The following EFNA5 variants were observed in gnomAD, a reference collection of about 807,000 sequenced individuals.
EFNA5 encodes the protein ephrin A5, also known as ephrin-A5.
EFNA5 carries 5 observed loss-of-function variants against 22.9 expected under a neutral mutation model. That is an observed-to-expected ratio of 0.22 (90% confidence interval 0.11 to 0.46). EFNA5 has a LOEUF of 0.46. EFNA5 is among the 20% of genes least tolerant of loss of function. The probability of loss-of-function intolerance (pLI) is 0.99; values close to 1 mark genes in which losing one functional copy is unlikely to be tolerated. For synonymous variants in EFNA5, 113 were observed against 112.2 expected, an observed-to-expected ratio of 1.01 and a Z score of -0.04; for missense variants, 237 against 293.3, an observed-to-expected ratio of 0.81 and a Z score of 1.40.
chr5:107,601,332 A>G (rs1185176271), intron 1 of EFNA5, among the ~76,000 whole-genome samples: 1 of 152,226 alleles, frequency 6.6e-6, no homozygotes, highest in Non-Finnish European at 1.5e-5. Flanking sequence ...TTTCAAAGGA[A>G]GATAACGTAA....
At chr5:107,603,539 T>C (rs1580554835) in intron 1 of EFNA5, among the ~76,000 whole-genome samples, 1 of 152,234 alleles carries the variant, frequency 6.6e-6, no homozygotes, top group African/African-American at 2.4e-5. Context: ...TTCACTTCCA[T>C]AAAATGCAAG....
At chr5:107,624,114 T>C (rs954070174) in intron 1 of EFNA5, among the ~76,000 whole-genome samples, 3 of 152,032 alleles carry the variant, frequency 2.0e-5, no homozygotes, top group African/African-American at 4.8e-5. Context: ...GTCACCCTAG[T>C]TTTGTCAGGG....
At chr5:107,549,407 C>T (rs1280216494) in intron 1 of EFNA5, among the ~76,000 whole-genome samples, 3 of 152,146 alleles carry the variant, frequency 2.0e-5, no homozygotes, top group Non-Finnish European at 4.4e-5. Context: ...AAGAACTATC[C>T]TCATTTTACA....
At chr5:107,448,697 G>C (rs964945322) in intron 1 of EFNA5, among the ~76,000 whole-genome samples, 7 of 151,896 alleles carry the variant, frequency 4.6e-5, no homozygotes, top group Non-Finnish European at 7.4e-5. Context: ...GCATGTGGTG[G>C]TGTGCGCCTG....
intron 1 of EFNA5, among the ~76,000 whole-genome samples, chr5:107,581,753 G>C (rs1371150299): frequency 6.6e-6 from 1 of 152,164 alleles, no homozygotes; most frequent in Non-Finnish European, 1.5e-5. Context: ...GTAGAATCTA[G>C]GTCCCCAGCC....
chr5:107,426,792 GT>G (rs1242325503), intron 2 of EFNA5, among the ~76,000 whole-genome samples: 3 of 152,204 alleles, frequency 2.0e-5, no homozygotes, highest in Admixed American at 6.5e-5. Flanking sequence ...ATGTCCAGGA[GT>G]TTTGGCTTCC....
chr5:107,642,545 G>A (rs1399442934), intron 1 of EFNA5, among the ~76,000 whole-genome samples: 1 of 151,306 alleles, frequency 6.6e-6, no homozygotes, highest in Non-Finnish European at 1.5e-5. Flanking sequence ...TCTTTCCCTG[G>A]AACGCAAGTG....
intron 1 of EFNA5, among the ~76,000 whole-genome samples, chr5:107,668,747 A>G (rs1442302622): frequency 6.6e-6 from 1 of 152,228 alleles, no homozygotes; most frequent in East Asian, 1.9e-4. Context: ...AAACGGGGAA[A>G]AAAAACTAAC....
intron 1 of EFNA5, among the ~76,000 whole-genome samples, chr5:107,525,615 T>A (rs1430638007): frequency 2.0e-5 from 3 of 152,118 alleles, no homozygotes; most frequent in Non-Finnish European, 4.4e-5. Context: ...ATTAGGAAAA[T>A]CATAAGGAAG....
chr5:107,458,699 G>A (rs919743049), intron 1 of EFNA5, among the ~76,000 whole-genome samples: 11 of 152,062 alleles, frequency 7.2e-5, no homozygotes, highest in Admixed American at 1.3e-4. Context: ...TGCTTAAATC[G>A]TAAGGGAAAC....
At chr5:107,632,598 T>A (rs1750279338) in intron 1 of EFNA5, among the ~76,000 whole-genome samples, 1 of 152,162 alleles carries the variant, frequency 6.6e-6, no homozygotes. Context: ...ATTATTCTAG[T>A]TCAAGAACAT....
At chr5:107,545,242 TA>T (rs1427129696) in intron 1 of EFNA5, among the ~76,000 whole-genome samples, 1 of 152,274 alleles carries the variant, frequency 6.6e-6, no homozygotes, top group Non-Finnish European at 1.5e-5. Context: ...GTTGGTTCAG[TA>T]ATATCGGCTG....
chr5:107,511,001 T>TG (rs1276957899), intron 1 of EFNA5, among the ~76,000 whole-genome samples: 21 of 135,488 alleles, frequency 1.5e-4, no homozygotes, highest in African/African-American at 6.1e-4. Context: ...TTTCTTTTTC[T>TG]TTGTGTGTGT....
intron 1 of EFNA5, among the ~76,000 whole-genome samples, chr5:107,618,201 GA>G (rs947754269): frequency 2.6e-5 from 4 of 152,094 alleles, no homozygotes; most frequent in African/African-American, 7.2e-5. Flanking sequence ...TGTTTCTTTT[GA>G]AAAAGTAAGG....
chr5:107,575,781 A>G (rs888681929), intron 1 of EFNA5, among the ~76,000 whole-genome samples: 1 of 152,236 alleles, frequency 6.6e-6, no homozygotes, highest in Admixed American at 6.5e-5. Context: ...AAGAGATTAT[A>G]AAGAAAAAAG....
intron 2 of EFNA5, among the ~76,000 whole-genome samples, chr5:107,401,930 A>G (rs536317159): frequency 1.3e-5 from 2 of 152,328 alleles, no homozygotes; most frequent in Non-Finnish European, 2.9e-5. Context: ...AACACTTACA[A>G]CCCAGCTCTC....
rs1039177490 is a variant in EFNA5 at position 107,437,023 on chromosome 5, G to C, written c.126-9514C>G. 2.2e-4 allele frequency among the ~76,000 whole-genome samples: 34 copies of C among 152,164 alleles called. 1 individual carries two copies. The highest frequency in any genetic ancestry group is 8.2e-4 in the African/African-American group (34 of 41,428). On this transcript the variant is annotated intron_variant, in intron 1 of 4. Transcript: ENST00000333274. ...TTAATAGTTCTTAAGTACTTGGTGT[G>C]CAAAGAGTGAACTAAATGTTTGTAT...
chr5:107,489,640 T>C (rs1746745107), intron 1 of EFNA5, among the ~76,000 whole-genome samples: 1 of 147,206 alleles, frequency 6.8e-6, no homozygotes, highest in African/African-American at 2.6e-5. Context: ...AAGCATTTTG[T>C]GATTGATTTG....
intron 2 of EFNA5, among the ~76,000 whole-genome samples, chr5:107,389,687 G>A (rs1747733246): frequency 6.6e-6 from 1 of 152,114 alleles, no homozygotes; most frequent in Non-Finnish European, 1.5e-5. Flanking sequence ...AATTATTGTA[G>A]GGCACATGGC....
Sources: gnomAD v4.1 joint callset for allele counts (sites outside exome capture counted in the v4.1 genomes callset) on GRCh38, gnomAD v4.1.1 for gene constraint, MANE v1.5 for transcripts, NCBI Gene and HGNC (gene_info 2026-07-23, HGNC 2026-07-21) for gene names.